Variants in NPAS3 observed in about 807,000 individuals in gnomAD.
The protein encoded by NPAS3 is neuronal PAS domain protein 3.
NPAS3 carries 14 observed loss-of-function variants against 73.1 expected under a neutral mutation model. The observed-to-expected ratio is 0.19, with a 90% CI of 0.13 to 0.30. NPAS3 has a LOEUF of 0.30. Ranked by LOEUF, NPAS3 falls within the 10% of genes least tolerant of loss-of-function variation. The pLI, the probability that NPAS3 is intolerant of heterozygous loss-of-function variation, is 1.00. For missense variants in NPAS3, 1,096 were observed against 1,250.0 expected, an observed-to-expected ratio of 0.88 and a Z score of 1.86; for synonymous variants, 620 against 541.5, an observed-to-expected ratio of 1.14 and a Z score of -2.01.
chr14:33,480,403 A>G lies in NPAS3; in HGVS notation c.469-79718A>G, dbSNP rs545063112. On this transcript the variant is annotated intron_variant, in intron 4 of 11. Transcript: ENST00000356141. ...GGCAATCTTCCATAAGGCAAGTTACAGTCTGGGATTAGTTCTGAAAAGGCA... is the reference window on the plus strand; with the variant it reads ...GGCAATCTTCCATAAGGCAAGTTACGGTCTGGGATTAGTTCTGAAAAGGCA... 5.2e-3 allele frequency among the ~76,000 whole-genome samples: 795 copies of G among 152,288 alleles called. 7 individuals are homozygous for G. The highest frequency in any genetic ancestry group is 0.017 in the African/African-American group (711 of 41,556).
chr14:33,781,224 A>G (rs893234047), intron 9 of NPAS3, among the ~76,000 whole-genome samples: 16 of 152,212 alleles, frequency 1.1e-4, no homozygotes, highest in African/African-American at 2.9e-4. Context: ...TCAATCACAC[A>G]CACAAAAAAA....
rs1399271467 is a variant in NPAS3 at position 33,669,770 on chromosome 14, C to G, written c.559-6441C>G. Among the ~76,000 whole-genome samples, 6 of 152,184 alleles carry G rather than the reference C, an allele frequency of 3.9e-5. No individual in the cohort carries two copies. In the East Asian group the frequency reaches 7.7e-4, roughly 20 times the overall value. ...TTCCTCTTTGACTCTATTTCCCCGA[C>G]AGTCTGCTTTGTTCTTTTTCTTCTC... On this transcript the variant is annotated intron_variant, in intron 5 of 11. Coordinates refer to ENST00000356141, the Ensembl canonical transcript of NPAS3.
chr14:33,519,721 T>A (rs1012641653), intron 4 of NPAS3, among the ~76,000 whole-genome samples: 4 of 152,182 alleles, frequency 2.6e-5, no homozygotes, highest in African/African-American at 9.6e-5. Context: ...TCTTATCACA[T>A]CTTCCTCACA....
intron 4 of NPAS3, among the ~76,000 whole-genome samples, chr14:33,544,598 C>A (rs1057181346): frequency 6.6e-6 from 1 of 151,228 alleles, no homozygotes; most frequent in Non-Finnish European, 1.5e-5. Context: ...GAGCCACACC[C>A]TTCCACAATC....
At chr14:33,759,888 T>C (rs1232238216) in intron 7 of NPAS3, among the ~76,000 whole-genome samples, 1 of 152,222 alleles carries the variant, frequency 6.6e-6, no homozygotes, top group African/African-American at 2.4e-5. Context: ...ATAATGGATA[T>C]GATAAAGTTT....
At chr14:33,524,764 A>G (rs61547992) in intron 4 of NPAS3, among the ~76,000 whole-genome samples, 17,450 of 151,872 alleles carry the variant, frequency 0.11, 1,659 homozygotes, top group African/African-American at 0.26. Flanking sequence ...TCTGTTCCAG[A>G]CCTCTGTCCC....
At chr14:33,606,865 A>C (rs1439382849) in intron 5 of NPAS3, among the ~76,000 whole-genome samples, 1 of 152,188 alleles carries the variant, frequency 6.6e-6, no homozygotes, top group African/African-American at 2.4e-5. Flanking sequence ...TCCTCAATAC[A>C]CAAAGAACTC....
intron 4 of NPAS3, among the ~76,000 whole-genome samples, chr14:33,551,731 T>C (rs2055125985): frequency 6.6e-6 from 1 of 152,194 alleles, no homozygotes; most frequent in African/African-American, 2.4e-5. Context: ...GTGGTTCTAC[T>C]AGGGATTATT....
At chr14:33,531,159 C>G (rs998148069) in intron 4 of NPAS3, among the ~76,000 whole-genome samples, 1 of 152,098 alleles carries the variant, frequency 6.6e-6, no homozygotes, top group Non-Finnish European at 1.5e-5. Flanking sequence ...AGAACTCATA[C>G]AGTCCAGTCA....
chr14:33,046,182 A>G (rs1326699855), intron 1 of NPAS3, among the ~76,000 whole-genome samples: 1 of 152,210 alleles, frequency 6.6e-6, no homozygotes, highest in East Asian at 1.9e-4. Flanking sequence ...AGTGAGGACC[A>G]TTGTAGGAGA....
At chr14:32,957,412 C>G (rs575533166) in intron 1 of NPAS3, among the ~76,000 whole-genome samples, 1 of 147,290 alleles carries the variant, frequency 6.8e-6, no homozygotes, top group South Asian at 2.2e-4. Flanking sequence ...CGCTCTGTGG[C>G]GCAGGCTGGA....
chr14:33,679,827 G>A (rs995867919), intron 6 of NPAS3, among the ~76,000 whole-genome samples: 1 of 152,132 alleles, frequency 6.6e-6, no homozygotes, highest in African/African-American at 2.4e-5. Flanking sequence ...TCAGCCTCAG[G>A]ATAATGGAGG....
intron 1 of NPAS3, among the ~76,000 whole-genome samples, chr14:33,018,654 T>A (rs911383145): frequency 6.6e-6 from 1 of 152,202 alleles, no homozygotes; most frequent in African/African-American, 2.4e-5. Context: ...GTTGAAAGTA[T>A]AAGAAATATA....
intron 3 of NPAS3, among the ~76,000 whole-genome samples, chr14:33,285,489 C>T (rs539267624): frequency 6.6e-6 from 1 of 152,268 alleles, no homozygotes; most frequent in Non-Finnish European, 1.5e-5. Flanking sequence ...GCAGATGGGG[C>T]CAACAGTCAA....
chr14:33,733,074 G>A (rs1161096283), intron 6 of NPAS3, among the ~76,000 whole-genome samples: 1 of 152,168 alleles, frequency 6.6e-6, no homozygotes, highest in East Asian at 1.9e-4. Flanking sequence ...TCACTTCTCT[G>A]GGAAGCTTCA....
Position 33,235,636 on chromosome 14 carries a change from A to G in NPAS3, c.385+20210A>G, listed in dbSNP as rs538890644. ...AATACAATCACAGTTTTGAACAGAA[A>G]TATTTGAACTGAAATATTTAGTCCA... On this transcript the variant is annotated intron_variant, in intron 3 of 11. Coordinates refer to ENST00000356141, the Ensembl canonical transcript of NPAS3. 3.3e-4 allele frequency among the ~76,000 whole-genome samples: 50 copies of G among 152,154 alleles called. No homozygotes were observed. In the South Asian group the frequency reaches 9.7e-3, roughly 30 times the overall value.
At chr14:33,701,450 C>A (rs1335368754) in intron 6 of NPAS3, among the ~76,000 whole-genome samples, 1 of 152,142 alleles carries the variant, frequency 6.6e-6, no homozygotes, top group African/African-American at 2.4e-5. Flanking sequence ...AGTCATTGTT[C>A]TTGAAAAAGG....
chr14:32,985,518 C>A (rs2038061743), intron 1 of NPAS3, among the ~76,000 whole-genome samples: 1 of 152,014 alleles, frequency 6.6e-6, no homozygotes, highest in Non-Finnish European at 1.5e-5. Context: ...TTATCTAATG[C>A]CAAAAATACA....
intron 2 of NPAS3, among the ~76,000 whole-genome samples, chr14:33,132,680 A>G (rs2139117986): frequency 6.6e-6 from 1 of 151,996 alleles, no homozygotes; most frequent in African/African-American, 2.4e-5. Flanking sequence ...AGGCAAGTAC[A>G]GTTGATAGTA....
Sources: gnomAD v4.1 joint callset for allele counts (sites outside exome capture counted in the v4.1 genomes callset) on GRCh38, gnomAD v4.1.1 for gene constraint, MANE v1.5 for transcripts, NCBI Gene and HGNC (gene_info 2026-07-23, HGNC 2026-07-21) for gene names.